NKD1: variants seen among roughly 807,000 people sequenced by gnomAD.
NKD1 encodes the protein NKD inhibitor of Wnt signaling pathway 1, also known as protein naked cuticle homolog 1.
Under a neutral mutation model 56.0 loss-of-function variants are expected in NKD1, and 21 were observed. That is an observed-to-expected ratio of 0.38 (90% CI 0.27 to 0.54). The LOEUF is 0.54. Among genes scored for constraint, NKD1 ranks in the 20% least tolerant of loss-of-function variants. The probability of loss-of-function intolerance (pLI) is 0.82; values close to 1 mark genes in which losing one functional copy is unlikely to be tolerated. For missense variants in NKD1, 578 were observed against 642.7 expected (o/e 0.90, Z 1.09); for synonymous variants, 263 against 265.7 (o/e 0.99, Z 0.10).
intron 3 of NKD1, among the ~76,000 whole-genome samples, chr16:50,576,936 G>C (rs948392794): frequency 6.6e-6 from 1 of 152,168 alleles, no homozygotes; most frequent in Non-Finnish European, 1.5e-5. Context: ...AGAGGCCCCT[G>C]CTGGGCCCTG....
intron 3 of NKD1, among the ~76,000 whole-genome samples, chr16:50,595,274 T>G (rs1961449839): frequency 6.6e-6 from 1 of 152,222 alleles, no homozygotes; most frequent in African/African-American, 2.4e-5. Flanking sequence ...TTTCCCCATC[T>G]GGACTCTCAG....
At chr16:50,611,635 G>C (rs1232259976) in intron 4 of NKD1, among the ~76,000 whole-genome samples, 1 of 152,192 alleles carries the variant, frequency 6.6e-6, no homozygotes, top group South Asian at 2.1e-4. Context: ...CACTCGGGGA[G>C]CTCGGGGCCT....
chr16:50,617,709 A>G (rs538123215), intron 4 of NKD1, among the ~76,000 whole-genome samples: 5 of 152,300 alleles, frequency 3.3e-5, no homozygotes, highest in African/African-American at 1.2e-4. Context: ...TGGGCTGACA[A>G]TAGGCCTTAA....
chr16:50,628,449 G>A (rs1962271771), intron 6 of NKD1, among the ~76,000 whole-genome samples: 1 of 152,188 alleles, frequency 6.6e-6, no homozygotes, highest in Admixed American at 6.5e-5. Context: ...TGCTGGGCAG[G>A]TAACTGACCA....
intron 6 of NKD1, among the ~76,000 whole-genome samples, chr16:50,626,911 GC>G (rs1168517132): frequency 6.6e-6 from 1 of 152,168 alleles, no homozygotes; most frequent in Non-Finnish European, 1.5e-5. Flanking sequence ...AGACACTAAA[GC>G]TTTGCTGACT....
At chr16:50,570,866 G>T (rs1162793861) in intron 3 of NKD1, 1 of 985,334 alleles carries the variant, frequency 1.0e-6, no homozygotes, top group Non-Finnish European at 1.2e-6. Context: ...ACCTTGTGCT[G>T]AGGGTGGAAT....
At chr16:50,576,466 C>G (rs1960996041) in intron 3 of NKD1, among the ~76,000 whole-genome samples, 1 of 152,144 alleles carries the variant, frequency 6.6e-6, no homozygotes, top group Admixed American at 6.5e-5. Context: ...GGTGATTGTT[C>G]AGAAGTGGAA....
chr16:50,571,523 C>T, intron 3 of NKD1: 1 of 985,368 alleles, frequency 1.0e-6, no homozygotes, highest in Non-Finnish European at 1.2e-6. Context: ...TCTTGAGACC[C>T]ATCTGCGCTC....
At chr16:50,631,696 G>C (rs1365325184) in intron 8 of NKD1, among the ~76,000 whole-genome samples, 1 of 152,164 alleles carries the variant, frequency 6.6e-6, no homozygotes, top group Non-Finnish European at 1.5e-5. Context: ...AGAGGGCTAG[G>C]GAGCCCCGAG....
chr16:50,617,894 C>A (rs1396981154), intron 4 of NKD1, among the ~76,000 whole-genome samples: 1 of 152,218 alleles, frequency 6.6e-6, no homozygotes, highest in East Asian at 1.9e-4. Flanking sequence ...AAGCAGCAAT[C>A]AATCCACAGA....
intron 3 of NKD1, among the ~76,000 whole-genome samples, chr16:50,601,889 G>A (rs1484029362): frequency 6.6e-6 from 1 of 152,134 alleles, no homozygotes; most frequent in Non-Finnish European, 1.5e-5. Context: ...GGCAAGGAGG[G>A]GCGGGTCTGT....
intron 3 of NKD1, 55 bp downstream of exon 3, chr16:50,549,610 G>T: frequency 6.7e-7 from 1 of 1,492,324 alleles, no homozygotes; most frequent in Middle Eastern, 1.8e-4. Flanking sequence ...CTCAGAGATG[G>T]GTCCCCAAAC....
chr16:50,570,722 A>C (rs1291380961), intron 3 of NKD1: 4 of 646,816 alleles, frequency 6.2e-6, no homozygotes, highest in Non-Finnish European at 7.7e-6. Context: ...GCTATGTGAC[A>C]AGCTTGGCCA....
intron 3 of NKD1, among the ~76,000 whole-genome samples, chr16:50,605,167 C>T (rs996114586): frequency 3.9e-5 from 6 of 152,178 alleles, no homozygotes; most frequent in African/African-American, 1.4e-4. Context: ...GCCTCCTAGC[C>T]ACTTAGATGC....
Position 50,632,236 on chromosome 16 carries a change from C to G in NKD1, c.696-45C>G. 1 of 1,608,392 alleles carries G rather than the reference C, an allele frequency of 6.2e-7. No homozygotes were observed. Among genetic ancestry groups the G allele is most frequent in the Non-Finnish European group, 8.5e-7 (1 of 1,175,784 alleles). ...CTAGTAGCCTATGCGCTTGCCCCCA[C>G]CTGGTGGTTGGTGTTATCCCACTCA... On this transcript the variant is annotated intron_variant, in intron 8 of 9. Transcript: ENST00000268459. This position sits in a 1 kb window ranked among gnomAD's most constrained non-coding sequence, Gnocchi z 4.1.
intron 8 of NKD1, 68 bp downstream of exon 8, chr16:50,630,978 G>GA: frequency 7.6e-7 from 1 of 1,322,666 alleles, no homozygotes; most frequent in Non-Finnish European, 1.0e-6. Context: ...GAAGGATTCA[G>GA]AGCAGGAAGT....
intron 3 of NKD1, among the ~76,000 whole-genome samples, chr16:50,603,364 TGGCCAG>T (rs1169408530): frequency 6.6e-6 from 1 of 152,176 alleles, no homozygotes; most frequent in African/African-American, 2.4e-5. Context: ...TGAGAGCGCC[TGGCCAG>T]GCTGCAGCCT....
Position 50,623,725 on chromosome 16 carries a change from CTGTGTGTGTGTGTGTGTGTGTGTGTG to C in NKD1, c.367-1746_367-1721del, listed in dbSNP as rs71928407. Among the ~76,000 whole-genome samples the C allele has an allele frequency of 7.1e-6, 1 of 141,550 alleles. No individual in the cohort carries two copies. The highest frequency in any genetic ancestry group is 1.5e-5 in the Non-Finnish European group (1 of 64,762). 92.9% of individuals were successfully genotyped at this position (141,550 alleles called of 152,430 possible). On this transcript the variant is annotated intron_variant, in intron 5 of 9. Transcript: ENST00000268459. The surrounding 1 kb of genome is among the most constrained non-coding windows in gnomAD (Gnocchi z 4.1). ...AAGCTGTCTTGGAAACAGGTAAGTGCTGTGTGTGTGTGTGTGTGTGTGTGTGTGTGTGTGTGTGTACACAGGTATGT... is the reference window on the plus strand; with the variant it reads ...AAGCTGTCTTGGAAACAGGTAAGTGCTGTGTGTGTGTGTACACAGGTATGT...
chr16:50,574,396 C>G, intron 3 of NKD1: 1 of 985,410 alleles, frequency 1.0e-6, no homozygotes, highest in South Asian at 4.7e-5. Flanking sequence ...TCACTGGTGT[C>G]CTGGCTGAGT....
Sources: allele counts gnomAD v4.1 joint callset (sites outside exome capture counted in the v4.1 genomes callset), GRCh38; gene constraint gnomAD v4.1.1; non-coding constraint Gnocchi (gnomAD v3.1); transcripts MANE v1.5; gene names NCBI Gene and HGNC (gene_info 2026-07-23, HGNC 2026-07-21).